Variants in IST1 observed in about 807,000 individuals in gnomAD.
IST1 encodes IST1 homolog.
In IST1, 23 loss-of-function variants were observed where a neutral mutation model predicts 37.0. The observed-to-expected ratio is 0.62, with a 90% CI of 0.45 to 0.88. The LOEUF is 0.88. Among genes scored for constraint, IST1 ranks in the 40% least tolerant of loss-of-function variants. IST1 has a pLI of 0.00. For missense variants in IST1, 488 were observed against 445.4 expected (o/e 1.10, Z -0.86); for synonymous variants, 180 against 161.7 (o/e 1.11, Z -0.86).
intron 6 of IST1, among the ~76,000 whole-genome samples, chr16:71,922,093 T>A (rs764082614): frequency 2.0e-5 from 3 of 152,048 alleles, no homozygotes; most frequent in Non-Finnish European, 2.9e-5. Flanking sequence ...TGAGCCAAGA[T>A]TGTGCCACTG....
upstream of IST1, chr16:71,894,700 T>A (rs1301452125): frequency 2.8e-6 from 1 of 350,884 alleles, no homozygotes; most frequent in Non-Finnish European, 5.2e-6. Flanking sequence ...ATTTTTAACT[T>A]TTTTTTTTTT....
In IST1 at chr16:71,914,737, T is replaced by C. The variant is rs528254670; in HGVS notation, c.-15-889T>C. Among the ~76,000 whole-genome samples the C allele has an allele frequency of 6.8e-4, 103 of 152,362 alleles. 1 individual carries two copies. The highest frequency in any genetic ancestry group is 2.0e-3 in the Admixed American group (31 of 15,294). On this transcript the variant is annotated intron_variant, in intron 1 of 9. Transcript: ENST00000378799. ...AGACAAGTACTATTCCTACTGCTCTTTCTTTCTTTGGTGCTCTTTTGATTT... is the reference window on the plus strand; with the variant it reads ...AGACAAGTACTATTCCTACTGCTCTCTCTTTCTTTGGTGCTCTTTTGATTT...
chr16:71,920,809 CTG>C lies in IST1; in HGVS notation c.431_432del (p.Val144GlufsTer2). ...CTATGTAGGACCAACCAGATTGGAA[CTG>C]TGAATGACAGGGTAATGAACATACT... On this transcript the variant is annotated frameshift_variant, in exon 5 of 10. Coordinates refer to ENST00000378799, the MANE Select transcript of IST1 (RefSeq NM_001270975.2). LOFTEE classifies it high-confidence loss of function. The C allele has an allele frequency of 1.2e-6, 2 of 1,610,798 alleles. No individual in the cohort carries two copies. Among genetic ancestry groups the C allele is most frequent in the Non-Finnish European group, 1.7e-6 (2 of 1,176,922 alleles).
At chr16:71,926,485 A>G (rs2037746618) in intron 9 of IST1, among the ~76,000 whole-genome samples, 1 of 151,868 alleles carries the variant, frequency 6.6e-6, no homozygotes, top group Non-Finnish European at 1.5e-5. Flanking sequence ...CTGGGACTAC[A>G]GGCATCCCCC....
intron 8 of IST1, 107 bp downstream of exon 8, chr16:71,923,487 G>A (rs1448030718): frequency 1.6e-6 from 1 of 616,612 alleles, no homozygotes; most frequent in African/African-American, 1.9e-5. Context: ...TCCTAGTACT[G>A]TCATCATTTT....
chr16:71,924,646 C>G lies in IST1; in HGVS notation c.853-123C>G, dbSNP rs933068849. ...ATTGGAAAAAATGCAGGGGCAGTTTCTTTGGAACAGGCTCTGTTGCATTTG... is the reference window on the plus strand; with the variant it reads ...ATTGGAAAAAATGCAGGGGCAGTTTGTTTGGAACAGGCTCTGTTGCATTTG... On this transcript the variant is annotated intron_variant, in intron 8 of 9. Transcript: ENST00000378799. 4 of 751,958 alleles carry G rather than the reference C, an allele frequency of 5.3e-6. No homozygotes were observed. The African/African-American group carries it at 6.9e-5, about 13-fold the overall frequency. The allele number at this position is 751,958 out of a possible 1,614,324, so 46.6% of individuals were successfully genotyped here. A position where few individuals can be genotyped will look rare whatever the true frequency, so the allele number is the denominator to read the frequency against.
At chr16:71,921,314 A>G (rs1420683905) in intron 5 of IST1, 29 bp from the exon 6 acceptor site, 5 of 1,373,574 alleles carry the variant, frequency 3.6e-6, no homozygotes, top group South Asian at 1.2e-5. Flanking sequence ...GTATACATGC[A>G]TCTTAGCCCT....
chr16:71,898,711 G>A (rs1387436628), intron 1 of IST1, among the ~76,000 whole-genome samples: 3 of 151,256 alleles, frequency 2.0e-5, no homozygotes, highest in Admixed American at 2.0e-4. Context: ...AGGAGTGGTG[G>A]CTCACGCCTG....
At chr16:71,904,421 C>T (rs544724954) in intron 1 of IST1, among the ~76,000 whole-genome samples, 1 of 152,328 alleles carries the variant, frequency 6.6e-6, no homozygotes, top group South Asian at 2.1e-4. Flanking sequence ...TGCGCCCGGC[C>T]TGTTGTTTTG....
chr16:71,904,371 C>G (rs908707087), intron 1 of IST1, among the ~76,000 whole-genome samples: 1 of 152,200 alleles, frequency 6.6e-6, no homozygotes, highest in African/African-American at 2.4e-5. Context: ...ATCCACCTGC[C>G]TCGGCCTGCC....
chr16:71,923,947 T>C (rs2037674348), intron 8 of IST1: 1 of 346,256 alleles, frequency 2.9e-6, no homozygotes. Context: ...CTTCAGTTAC[T>C]GTAGGCCTTT....
intron 1 of IST1, among the ~76,000 whole-genome samples, chr16:71,897,041 C>T (rs946361813): frequency 1.3e-5 from 2 of 151,944 alleles, no homozygotes; most frequent in South Asian, 2.1e-4. Flanking sequence ...GTTCTGCAGA[C>T]GGGGGTCTCA....
rs1312912363 is a variant in IST1, at chr16:71,929,278, T to C, written c.*1465T>C. ...AGTGAGCTCACTTCTGACTGCTTCA[T>C]TTCCCGCAGCCATCCTGGGCCATGG... On this transcript the variant is annotated 3_prime_UTR_variant, in exon 10 of 10. Coordinates refer to ENST00000378799, the MANE Select transcript of IST1 (RefSeq NM_001270975.2). The C allele has an allele frequency of 6.2e-6, 2 of 320,544 alleles. No individual in the cohort carries two copies. The highest frequency in any genetic ancestry group is 4.6e-5 in the Admixed American group (1 of 21,890). 19.9% of individuals were successfully genotyped at this position (320,544 alleles called of 1,614,324 possible). A position where few individuals can be genotyped will look rare whatever the true frequency, so the allele number is the denominator to read the frequency against.
rs765979904 is a variant in IST1, at chr16:71,927,734, G to C, written c.1022G>C (p.Gly341Ala). Residue 341 changes from glycine (G) to alanine (A), a missense_variant, in exon 10 of 10, where the codon GGT (glycine) becomes GCT (alanine). Physicochemically the swap from Gly to Ala is moderately conservative, Grantham distance 60. Transcript: ENST00000378799. The stretch of plus-strand genomic sequence containing the variant: ...GACACACTACCAACTGCATCTGCTG[G>C]TGCCAGCACCTCAGCATCTGAAGAC... The part of the protein sequence containing the change: ...VPDTLPTASA[G>A]ASTSASEDID... 6.2e-7 allele frequency: 1 copy of C among 1,614,000 alleles called. No individual in the cohort carries two copies. The highest frequency in any genetic ancestry group is 8.5e-7 in the Non-Finnish European group (1 of 1,179,888).
intron 1 of IST1, among the ~76,000 whole-genome samples, chr16:71,908,417 AG>A (rs2037277363): frequency 6.9e-6 from 1 of 145,488 alleles, no homozygotes; most frequent in Non-Finnish European, 1.5e-5. Context: ...CTCCTGCCTC[AG>A]CCCCTTGAGT....
intron 1 of IST1, among the ~76,000 whole-genome samples, chr16:71,897,263 C>A (rs1228666293): frequency 6.6e-6 from 1 of 150,590 alleles, no homozygotes; most frequent in Non-Finnish European, 1.5e-5. Flanking sequence ...CTCAAGTGAT[C>A]CTCCCAAAAT....
rs1228995749 is a variant in IST1 at position 71,928,563 on chromosome 16, G to A, written c.*750G>A. ...TGTTTTCCCTGTAGCATATTGTGTT[G>A]GATTGCATTACTGGCAGAGAAAGGA... On this transcript the variant is annotated 3_prime_UTR_variant, in exon 10 of 10. Transcript: ENST00000378799. 2 of 152,600 alleles carry A rather than the reference G, an allele frequency of 1.3e-5. No homozygotes were observed. The highest frequency in any genetic ancestry group is 2.4e-5 in the African/African-American group (1 of 41,422). The allele number at this position is 152,600 out of a possible 1,614,324, so 9.5% of individuals were successfully genotyped here.
rs1231970854 is a variant in IST1 at position 71,931,043 on chromosome 16, A to G, written c.*3230A>G. 4 of 152,258 alleles carry G rather than the reference A, an allele frequency of 2.6e-5. No homozygotes were observed. The highest frequency in any genetic ancestry group is 4.8e-5 in the African/African-American group (2 of 41,572). The allele number at this position is 152,258 out of a possible 1,614,324, so 9.4% of individuals were successfully genotyped here. ...GTTTGTGATACAAGACTTATTTCCA[A>G]TAAGTTTATTTTTATGTACAATTTT... is the stretch of plus-strand genomic sequence containing the variant. On this transcript the variant is annotated 3_prime_UTR_variant, in exon 10 of 10. Transcript: ENST00000378799.
intron 9 of IST1, among the ~76,000 whole-genome samples, chr16:71,925,188 T>C (rs1567475164): frequency 1.3e-5 from 2 of 151,876 alleles, no homozygotes. Context: ...AATTTTTTTG[T>C]ATTTTTAGTA....
Sources: gnomAD v4.1 joint callset for allele counts (sites outside exome capture counted in the v4.1 genomes callset) on GRCh38, gnomAD v4.1.1 for gene constraint, MANE v1.5 for transcripts, NCBI Gene and HGNC (gene_info 2026-07-23, HGNC 2026-07-21) for gene names.